The following CEP290 variants were observed in gnomAD, a reference collection of about 807,000 sequenced individuals.
CEP290 encodes the protein centrosomal protein of 290 kDa.
A neutral mutation model predicts 344.9 loss-of-function variants in CEP290; 317 were observed. The observed-to-expected ratio is 0.92, with a 90% CI of 0.84 to 1.01. The LOEUF (loss-of-function observed/expected upper bound fraction) is 1.01, where lower values mean the gene tolerates loss of function less well. Among genes scored for constraint, CEP290 ranks in the 50% least tolerant of loss-of-function variants. The probability of loss-of-function intolerance (pLI) is 0.00; values close to 1 mark genes in which losing one functional copy is unlikely to be tolerated. For synonymous variants in CEP290, 932 were observed against 895.8 expected, an observed-to-expected ratio of 1.04 and a Z score of -0.72; for missense variants, 2,754 against 2,761.4, an observed-to-expected ratio of 1.00 and a Z score of 0.06.
chr12:88,118,448 A>T (rs1372746465), intron 17 of CEP290, 35 bp downstream of exon 17: 1 of 1,465,798 alleles, frequency 6.8e-7, no homozygotes, highest in African/African-American at 1.4e-5. Flanking sequence ...ACTTATCAAT[A>T]ATTCTTTTTA....
intron 37 of CEP290, among the ~76,000 whole-genome samples, chr12:88,081,720 G>T (rs957975257): frequency 6.6e-6 from 1 of 152,062 alleles, no homozygotes; most frequent in East Asian, 1.9e-4. Flanking sequence ...CTAAAATGAC[G>T]TAAGGTACAC....
chr12:88,080,652 C>T (rs1253296037), intron 37 of CEP290, among the ~76,000 whole-genome samples: 5 of 152,042 alleles, frequency 3.3e-5, no homozygotes, highest in East Asian at 1.9e-4. Flanking sequence ...CCAGTTTGAA[C>T]GCATGACCTC....
chr12:88,076,186 T>A (rs1392751335), intron 41 of CEP290, among the ~76,000 whole-genome samples: 1 of 152,158 alleles, frequency 6.6e-6, no homozygotes, highest in African/African-American at 2.4e-5. Flanking sequence ...AAGGACACTT[T>A]GATCTTACAG....
Position 88,126,286 on chromosome 12 carries a change from T to C in CEP290, c.1065+30A>G, listed in dbSNP as rs539819145. 2.0e-5 allele frequency: 29 copies of C among 1,427,454 alleles called. No homozygotes were observed. The African/African-American group carries it at 4.1e-4, about 20-fold the overall frequency. The allele number at this position is 1,427,454 out of a possible 1,614,324, so 88.4% of individuals were successfully genotyped here. ...AGAGTTCCAACTGTAATAAAACTGG[T>C]TGATAAACAAAATTCTGTTAAGATT... On this transcript the variant is annotated intron_variant, in intron 12 of 53. Coordinates refer to ENST00000552810, the MANE Select transcript of CEP290 (RefSeq NM_025114.4).
At chr12:88,058,697 T>C (rs2034212628) in intron 49 of CEP290, 151 bp downstream of exon 49, 3 of 779,956 alleles carry the variant, frequency 3.8e-6, no homozygotes, top group Non-Finnish European at 6.1e-6. Context: ...CCAACAATAC[T>C]ACAACAGAAA....
At chr12:88,121,426 A>T (rs1340024930) in intron 13 of CEP290, among the ~76,000 whole-genome samples, 1 of 152,156 alleles carries the variant, frequency 6.6e-6, no homozygotes, top group Non-Finnish European at 1.5e-5. Context: ...AAAAATGATC[A>T]TTGTGATACA....
Position 88,096,558 on chromosome 12 carries a change from C to CTT in CEP290, c.3103+328_3103+329dup, listed in dbSNP as rs1385870677. ...ATCAAGTGATATATAACTAATATAA[C>CTT]TTGCACTCAGTGAAAGAACTCATAA... On this transcript the variant is annotated intron_variant, in intron 27 of 53. Transcript: ENST00000552810. 2.0e-5 allele frequency among the ~76,000 whole-genome samples: 3 copies of CTT among 152,090 alleles called. No individual in the cohort carries two copies. In the East Asian group the frequency reaches 5.8e-4, roughly 29 times the overall value.
At chr12:88,136,531 A>T in intron 6 of CEP290, 112 bp downstream of exon 6, 5 of 1,044,632 alleles carry the variant, frequency 4.8e-6, no homozygotes, top group Non-Finnish European at 7.2e-6. Context: ...AGATAAGTGT[A>T]CATCATTTTT....
At chr12:88,078,845 A>C (rs188959964) in intron 39 of CEP290, among the ~76,000 whole-genome samples, 1 of 152,218 alleles carries the variant, frequency 6.6e-6, no homozygotes, top group African/African-American at 2.4e-5. Context: ...ATATTTCTTA[A>C]ATTTAATTTC....
chr12:88,090,794 C>T lies in CEP290; in HGVS notation c.3507G>A (p.Leu1169=). 6.4e-7 allele frequency: 1 copy of T among 1,561,568 alleles called. No homozygotes were observed. The highest frequency in any genetic ancestry group is 8.7e-7 in the Non-Finnish European group (1 of 1,150,996). The change falls in exon 30 of 54, where the codon TTG becomes TTA. Residue 1169 remains leucine, a synonymous_variant. Transcript: ENST00000552810. ...TGTCCCTAGATTGTTGTTGTGCATT[C>T]AAAATTTCAACTTGTCTTCTGGCAA... is the stretch of plus-strand genomic sequence containing the variant. ...SDIARRQVEI[L]NAQQQSRDKE... is the part of the protein sequence containing the mutation.
intron 44 of CEP290, among the ~76,000 whole-genome samples, chr12:88,067,388 A>G (rs1355015900): frequency 6.6e-6 from 1 of 152,210 alleles, no homozygotes; most frequent in Admixed American, 6.5e-5. Flanking sequence ...AAGAAAATTC[A>G]GTTAACAAAG....
intron 27 of CEP290, among the ~76,000 whole-genome samples, chr12:88,096,514 T>C (rs1044288107): frequency 1.3e-5 from 2 of 152,182 alleles, no homozygotes; most frequent in African/African-American, 4.8e-5. Context: ...TGTTTCCTGG[T>C]ATCTTTTAAT....
In CEP290 at chr12:88,109,962, A is replaced by T. The variant is rs148966065; in HGVS notation, c.2368-781T>A. ...TTAAAATTATACATTTAAAAATAATAATATCACATACAAAGCAATATTCTA... is the reference window on the plus strand; with the variant it reads ...TTAAAATTATACATTTAAAAATAATTATATCACATACAAAGCAATATTCTA... On this transcript the variant is annotated intron_variant, in intron 22 of 53. Transcript: ENST00000552810. Among the ~76,000 whole-genome samples, 40 of 152,268 alleles carry T rather than the reference A, an allele frequency of 2.6e-4. 1 individual carries two copies. The highest frequency in any genetic ancestry group is 9.6e-4 in the African/African-American group (40 of 41,566).
Position 88,055,677 on chromosome 12 carries a change from C to T in CEP290, c.6859G>A (p.Ala2287Thr), listed in dbSNP as rs1212611161. 21 of 1,547,538 alleles carry T rather than the reference C, an allele frequency of 1.4e-5. No individual in the cohort carries two copies. Among genetic ancestry groups the T allele is most frequent in the South Asian group, 2.5e-5 (2 of 80,356 alleles). ...TCAGTAATGCTTTGATTTTTTTTGGCAATATCAGTTTCCAATTCTTTTAAC... is the reference window on the plus strand; with the variant it reads ...TCAGTAATGCTTTGATTTTTTTTGGTAATATCAGTTTCCAATTCTTTTAAC... ...TKLKELETDIAKKNQSITDLK... is the reference protein window; with the variant it reads ...TKLKELETDITKKNQSITDLK... The change falls in exon 50 of 54, where the codon GCC becomes ACC. Residue 2287 changes from alanine (A) to threonine (T), a missense_variant. Ala to Thr is a moderately conservative substitution (Grantham distance 58). Transcript: ENST00000552810.
intron 41 of CEP290, among the ~76,000 whole-genome samples, chr12:88,074,719 T>C (rs2035631241): frequency 6.6e-6 from 1 of 152,174 alleles, no homozygotes; most frequent in South Asian, 2.1e-4. Flanking sequence ...AAAACCCTAA[T>C]ACGAGGGGGT....
chr12:88,105,387 T>C (rs1028914126), intron 25 of CEP290, among the ~76,000 whole-genome samples: 2 of 152,154 alleles, frequency 1.3e-5, no homozygotes, highest in Non-Finnish European at 2.9e-5. Flanking sequence ...AAGCAGGTAG[T>C]GCAGAGTACA....
chr12:88,076,123 A>C (rs991593773), intron 41 of CEP290, among the ~76,000 whole-genome samples: 12 of 152,188 alleles, frequency 7.9e-5, no homozygotes, highest in African/African-American at 2.9e-4. Context: ...TTTAGGGATA[A>C]GATCAGGCCT....
At chr12:88,092,148 T>C (rs1476921304) in intron 29 of CEP290, among the ~76,000 whole-genome samples, 1 of 152,126 alleles carries the variant, frequency 6.6e-6, no homozygotes, top group Non-Finnish European at 1.5e-5. Context: ...TCATGTAAAA[T>C]GAAAACAAAA....
chr12:88,100,223 TCACTCCACTG>T (rs966985674), intron 26 of CEP290, among the ~76,000 whole-genome samples: 21 of 151,518 alleles, frequency 1.4e-4, no homozygotes, highest in Admixed American at 5.9e-4. Context: ...TAAGCCAAGA[TCACTCCACTG>T]CACTCCAGCC....
Sources: allele counts gnomAD v4.1 joint callset (sites outside exome capture counted in the v4.1 genomes callset), GRCh38; gene constraint gnomAD v4.1.1; transcripts MANE v1.5; gene names NCBI Gene and HGNC (gene_info 2026-07-23, HGNC 2026-07-21).